Variants in HSF2 observed in about 807,000 individuals in gnomAD.
The protein encoded by HSF2 is heat shock factor protein 2.
A neutral mutation model predicts 65.0 loss-of-function variants in HSF2; 21 were observed. The ratio of observed to expected loss-of-function variants is 0.32; its 90% CI spans 0.23 to 0.47. HSF2 has a LOEUF of 0.47. Ranked by LOEUF, HSF2 falls within the 20% of genes least tolerant of loss-of-function variation. The pLI, the probability that HSF2 is intolerant of heterozygous loss-of-function variation, is 1.00. For missense variants in HSF2, 499 were observed against 628.1 expected (o/e 0.79, Z 2.20); for synonymous variants, 225 against 219.1 (o/e 1.03, Z -0.24).
At position 122,432,370 on chromosome 6, in the gene HSF2, C is replaced by T. The variant is rs1774494495; in HGVS notation, c.*150C>T. ...AAGCACCTTTTGCTTTTCTCACTAA[C>T]CACACACTCTTGCAGAGCTTTCAGG... On this transcript the variant is annotated 3_prime_UTR_variant, in exon 13 of 13. Transcript: ENST00000368455. 7.9e-6 allele frequency: 5 copies of T among 636,838 alleles called. No individual in the cohort carries two copies. Among genetic ancestry groups the T allele is most frequent in the Non-Finnish European group, 1.3e-5 (5 of 370,936 alleles). The allele number at this position is 636,838 out of a possible 1,614,324, so 39.4% of individuals were successfully genotyped here. A position where few individuals can be genotyped will look rare whatever the true frequency, so the allele number is the denominator to read the frequency against.
chr6:122,407,426 A>G lies in HSF2; in HGVS notation c.94-4947A>G, dbSNP rs115119321. ...TTAATCTGCCTCTTCAAAACTGTGT[A>G]TTAGTTATCGTTCTTACTTTTTACC... On this transcript the variant is annotated intron_variant, in intron 1 of 12. Transcript: ENST00000368455. 2.8e-3 allele frequency among the ~76,000 whole-genome samples: 426 copies of G among 152,288 alleles called. 3 individuals carry two copies. The highest frequency in any genetic ancestry group is 9.7e-3 in the African/African-American group (403 of 41,566).
intron 10 of HSF2, among the ~76,000 whole-genome samples, chr6:122,426,196 G>T (rs1484641717): frequency 6.6e-6 from 1 of 152,014 alleles, no homozygotes; most frequent in Admixed American, 6.6e-5. Flanking sequence ...ATGCTGCTTT[G>T]TTCTCTGAGA....
chr6:122,403,519 A>G (rs984546424), intron 1 of HSF2, among the ~76,000 whole-genome samples: 1 of 152,142 alleles, frequency 6.6e-6, no homozygotes, highest in South Asian at 2.1e-4. Context: ...AAGAGGGGAG[A>G]TGGCTTGAGC....
At chr6:122,429,062 T>C (rs1393908264) in intron 11 of HSF2, among the ~76,000 whole-genome samples, 1 of 152,068 alleles carries the variant, frequency 6.6e-6, no homozygotes, top group African/African-American at 2.4e-5. Context: ...GAATGTGTGG[T>C]TGTGTTGCAA....
At chr6:122,416,154 A>C in intron 4 of HSF2, 67 bp from the exon 5 acceptor site, 1 of 929,856 alleles carries the variant, frequency 1.1e-6, no homozygotes, top group Non-Finnish European at 1.7e-6. Context: ...TCTTAATTAA[A>C]GATACTATGG....
intron 10 of HSF2, among the ~76,000 whole-genome samples, chr6:122,427,131 G>A (rs983178970): frequency 6.6e-6 from 1 of 151,842 alleles, no homozygotes; most frequent in Non-Finnish European, 1.5e-5. Context: ...GCTTTTGAGC[G>A]CCACCATCTT....
intron 5 of HSF2, among the ~76,000 whole-genome samples, chr6:122,418,646 T>A (rs541514590): frequency 1.3e-5 from 2 of 152,224 alleles, no homozygotes; most frequent in African/African-American, 4.8e-5. Flanking sequence ...AAGCAGAGTT[T>A]GTTTGTTTAG....
At position 122,413,550 on chromosome 6, in the gene HSF2, A is replaced by G; in HGVS notation, c.356A>G (p.Asn119Ser). The G allele has an allele frequency of 6.3e-7, 1 of 1,583,034 alleles. No individual in the cohort carries two copies. Among genetic ancestry groups the G allele is most frequent in the African/African-American group, 1.3e-5 (1 of 74,116 alleles). Residue 119 changes from asparagine to serine, a missense_variant, in exon 4 of 13, where the codon AAT becomes AGT. Coordinates refer to ENST00000368455, the MANE Select transcript of HSF2 (RefSeq NM_004506.4). ...GTTTCATCTTCAAAACCAGAAGAAA[A>G]TAAAATTCGTCAGGAAGATTTAACA... ...RKVSSSKPEE[N>S]KIRQEDLTKI...
At chr6:122,414,721 G>A (rs1371853820) in intron 4 of HSF2, among the ~76,000 whole-genome samples, 1 of 152,160 alleles carries the variant, frequency 6.6e-6, no homozygotes, top group Non-Finnish European at 1.5e-5. Context: ...CCGCCTGCCG[G>A]TTCAAGCGAT....
intron 7 of HSF2, among the ~76,000 whole-genome samples, chr6:122,420,552 C>G (rs1774208905): frequency 6.6e-6 from 1 of 151,400 alleles, no homozygotes; most frequent in African/African-American, 2.4e-5. Flanking sequence ...ATATGTGAAT[C>G]CAGGAGCAGT....
intron 1 of HSF2, among the ~76,000 whole-genome samples, chr6:122,402,804 G>A (rs1278686341): frequency 2.0e-5 from 3 of 151,992 alleles, no homozygotes; most frequent in Non-Finnish European, 4.4e-5. Context: ...CACCCGTCTC[G>A]GCCTCCCAAA....
chr6:122,412,819 C>T, intron 3 of HSF2, 55 bp downstream of exon 3: 2 of 1,533,012 alleles, frequency 1.3e-6, no homozygotes. Flanking sequence ...TGTGCTTGGC[C>T]AAGATTTTTA....
At chr6:122,416,452 A>T (rs1209895877) in intron 5 of HSF2, among the ~76,000 whole-genome samples, 156 bp downstream of exon 5, 1 of 152,226 alleles carries the variant, frequency 6.6e-6, no homozygotes, top group African/African-American at 2.4e-5. Flanking sequence ...AATTAAGCCA[A>T]GTGTTACACA....
At chr6:122,419,465 A>G (rs1774190225) in intron 6 of HSF2, among the ~76,000 whole-genome samples, 1 of 152,220 alleles carries the variant, frequency 6.6e-6, no homozygotes, top group South Asian at 2.1e-4. Flanking sequence ...AGACATACAT[A>G]CAGTTAATAC....
chr6:122,410,950 T>TG (rs1773977590), intron 1 of HSF2, among the ~76,000 whole-genome samples: 1 of 121,110 alleles, frequency 8.3e-6, no homozygotes, highest in African/African-American at 2.7e-5. Context: ...GTTTTTGGGT[T>TG]TTTTTTTTTT....
In HSF2 at chr6:122,427,061, T is replaced by G. The variant is rs45441193; in HGVS notation, c.1177-842T>G. ...TCACATAGTTTTATCAGCCCTTTTA[T>G]TTCATTATGTATGTTTCTGTGTGCG... On this transcript the variant is annotated intron_variant, in intron 10 of 12. Coordinates refer to ENST00000368455, the MANE Select transcript of HSF2 (RefSeq NM_004506.4). Among the ~76,000 whole-genome samples the G allele has an allele frequency of 2.1e-3, 319 of 152,150 alleles. 2 individuals carry two copies. Among genetic ancestry groups the G allele is most frequent in the African/African-American group, 5.9e-3 (247 of 41,528 alleles).
intron 10 of HSF2, among the ~76,000 whole-genome samples, chr6:122,424,171 G>C (rs893046488): frequency 2.0e-5 from 3 of 151,934 alleles, no homozygotes; most frequent in Non-Finnish European, 2.9e-5. Context: ...CCCTGCTCCA[G>C]TCCCCACCAC....
intron 6 of HSF2, among the ~76,000 whole-genome samples, 184 bp from the exon 7 acceptor site, chr6:122,419,951 A>G (rs1461197099): frequency 6.6e-6 from 1 of 152,188 alleles, no homozygotes; most frequent in African/African-American, 2.4e-5. Flanking sequence ...AAAGTCCTAG[A>G]TATTCTCATC....
intron 3 of HSF2, 96 bp downstream of exon 3, chr6:122,412,860 A>G: frequency 1.8e-6 from 2 of 1,139,162 alleles, no homozygotes; most frequent in South Asian, 3.5e-5. Context: ...GAAATGCACA[A>G]CTGTTCCTTG....
Sources: allele counts gnomAD v4.1 joint callset (sites outside exome capture counted in the v4.1 genomes callset), GRCh38; gene constraint gnomAD v4.1.1; transcripts MANE v1.5; gene names NCBI Gene and HGNC (gene_info 2026-07-23, HGNC 2026-07-21).